The following PPARA variants were observed in gnomAD, a reference collection of about 807,000 sequenced individuals.
PPARA encodes the protein peroxisome proliferator activated receptor alpha, also known as peroxisome proliferator-activated receptor alpha.
PPARA carries 22 observed loss-of-function variants against 42.2 expected under a neutral mutation model. The observed-to-expected ratio is 0.52, with a 90% CI of 0.37 to 0.74. The LOEUF is 0.74. PPARA is among the 30% of genes least tolerant of loss of function. The probability of loss-of-function intolerance (pLI) is 0.00; values close to 1 mark genes in which losing one functional copy is unlikely to be tolerated. For synonymous variants in PPARA, 242 were observed against 239.3 expected (o/e 1.01, Z -0.10); for missense variants, 465 against 608.2 (o/e 0.76, Z 2.48).
rs1935319820 is a variant in PPARA at position 46,225,197 on chromosome 22, A to G, written c.711+5183A>G. Reference sequence around the variant, plus strand: ...TGTCTGTGTCCATCTGGACACTGGGACTGTTTGAGCCCCTGAGATTTCAGA... The same window carrying G: ...TGTCTGTGTCCATCTGGACACTGGGGCTGTTTGAGCCCCTGAGATTTCAGA... On this transcript the variant is annotated intron_variant, in intron 7 of 8. Transcript: ENST00000407236. The surrounding 1 kb of genome is among the most constrained non-coding windows in gnomAD (Gnocchi z 4.1). Among the ~76,000 whole-genome samples the G allele has an allele frequency of 6.6e-6, 1 of 151,970 alleles. No individual in the cohort carries two copies. Among genetic ancestry groups the G allele is most frequent in the Non-Finnish European group, 1.5e-5 (1 of 67,980 alleles).
chr22:46,207,277 AT>A (rs76116601), intron 4 of PPARA, among the ~76,000 whole-genome samples: 8,316 of 119,492 alleles, frequency 0.07, 441 homozygotes, highest in African/African-American at 0.22. Context: ...TACATTGGCA[AT>A]TTTTTTTTTT....
rs1407509178 is a variant in PPARA at position 46,221,295 on chromosome 22, C to T, written c.711+1281C>T. Among the ~76,000 whole-genome samples, 1 of 152,196 alleles carries T rather than the reference C, an allele frequency of 6.6e-6. No homozygotes were observed. The highest frequency in any genetic ancestry group is 1.5e-5 in the Non-Finnish European group (1 of 68,042). ...CAGTCCCTCCCGCCAGGCCTCACCT[C>T]CACCACTGGGGATTACAGTTCACCA... On this transcript the variant is annotated intron_variant, in intron 7 of 8. Transcript: ENST00000407236. The surrounding 1 kb of genome is among the most constrained non-coding windows in gnomAD (Gnocchi z 5.9).
intron 3 of PPARA, among the ~76,000 whole-genome samples, chr22:46,179,308 A>G (rs927685371): frequency 3.3e-5 from 5 of 152,244 alleles, no homozygotes; most frequent in Admixed American, 6.5e-5. Context: ...TTGATAATCA[A>G]AAATTAATGT....
Position 46,150,722 on chromosome 22 carries a change from C to T in PPARA, c.-210+70C>T, listed in dbSNP as rs1210478752. 2 of 149,510 alleles carry T rather than the reference C, an allele frequency of 1.3e-5. No individual in the cohort carries two copies. Among genetic ancestry groups the T allele is most frequent in the South Asian group, 2.0e-4 (1 of 4,908 alleles). 9.3% of individuals were successfully genotyped at this position (149,510 alleles called of 1,614,324 possible). ...GTCCGCGGTCCGGGCTTCCCAGGTC[C>T]CGGGACCCGGAGGGCGGCGGACGGG... On this transcript the variant is annotated intron_variant, in intron 1 of 8. Coordinates refer to ENST00000407236, the MANE Select transcript of PPARA (RefSeq NM_005036.6). This position sits in a 1 kb window ranked among gnomAD's most constrained non-coding sequence, Gnocchi z 7.5.
Position 46,160,321 on chromosome 22 carries a change from G to C in PPARA, c.-127+8351G>C, listed in dbSNP as rs1925970366. Among the ~76,000 whole-genome samples the C allele has an allele frequency of 6.6e-6, 1 of 152,180 alleles. No homozygotes were observed. Among genetic ancestry groups the C allele is most frequent in the South Asian group, 2.1e-4 (1 of 4,834 alleles). The stretch of plus-strand genomic sequence containing the variant: ...TGTTCGTTTGTTTGTTTTTGAGATG[G>C]AGTCTCGCTCTGTCACCCAGGCCGG... On this transcript the variant is annotated intron_variant, in intron 2 of 8. Coordinates refer to ENST00000407236, the MANE Select transcript of PPARA (RefSeq NM_005036.6). The surrounding 1 kb of genome is among the most constrained non-coding windows in gnomAD (Gnocchi z 4.5).
rs1931591667 is a variant in PPARA at position 46,191,776 on chromosome 22, T to C, written c.-42-6566T>C. 6.6e-6 allele frequency among the ~76,000 whole-genome samples: 1 copy of C among 152,030 alleles called. No homozygotes were observed. The highest frequency in any genetic ancestry group is 2.1e-4 in the South Asian group (1 of 4,828). On this transcript the variant is annotated intron_variant, in intron 3 of 8. Coordinates refer to ENST00000407236, the MANE Select transcript of PPARA (RefSeq NM_005036.6). The surrounding 1 kb of genome is among the most constrained non-coding windows in gnomAD (Gnocchi z 4.6). ...CTCCTTCTGTGCAGATCGTTAGAAA[T>C]AGATATTGAGGCCAGGCGCGGTGGC...
chr22:46,228,842 C>T (rs1045727320), intron 7 of PPARA, among the ~76,000 whole-genome samples: 1 of 151,840 alleles, frequency 6.6e-6, no homozygotes, highest in Non-Finnish European at 1.5e-5. Context: ...TGGTGGCTCA[C>T]GCCTGTAATC....
At chr22:46,194,114 C>G (rs564566139) in intron 3 of PPARA, among the ~76,000 whole-genome samples, 2 of 152,200 alleles carry the variant, frequency 1.3e-5, no homozygotes, top group Non-Finnish European at 2.9e-5. Context: ...CGTTTGGCCT[C>G]TGCTGTCTAT....
rs1284637008 is a variant in PPARA, at chr22:46,225,528, C to T, written c.711+5514C>T. Among the ~76,000 whole-genome samples the T allele has an allele frequency of 6.6e-6, 1 of 152,126 alleles. No individual in the cohort carries two copies. The highest frequency in any genetic ancestry group is 1.9e-4 in the East Asian group (1 of 5,194). On this transcript the variant is annotated intron_variant, in intron 7 of 8. Transcript: ENST00000407236. This position sits in a 1 kb window ranked among gnomAD's most constrained non-coding sequence, Gnocchi z 4.1. ...ATGCACGCACATACCCACACTCACA[C>T]ATCCGTGCACACACGGGTACACACA...
rs145526536 is a variant in PPARA, at chr22:46,221,466, G to A, written c.711+1452G>A. ...ACAAACATGCCTACATTCTTTTTCC[G>A]CCTTCAGTGAAAAGACAGTGACATC... On this transcript the variant is annotated intron_variant, in intron 7 of 8. Transcript: ENST00000407236. The surrounding 1 kb of genome is among the most constrained non-coding windows in gnomAD (Gnocchi z 5.9). Among the ~76,000 whole-genome samples the A allele has an allele frequency of 1.2e-3, 188 of 152,172 alleles. No individual in the cohort carries two copies. The Middle Eastern group carries it at 0.014, about 11-fold the overall frequency.
intron 3 of PPARA, among the ~76,000 whole-genome samples, chr22:46,179,671 A>G (rs910426263): frequency 2.0e-5 from 3 of 152,156 alleles, no homozygotes; most frequent in Non-Finnish European, 4.4e-5. Flanking sequence ...TTTCATAGAT[A>G]TGACACCGAG....
intron 2 of PPARA, among the ~76,000 whole-genome samples, chr22:46,174,239 A>G (rs567500455): frequency 7.1e-6 from 1 of 141,736 alleles, no homozygotes; most frequent in African/African-American, 2.8e-5. Flanking sequence ...AGAGAGAGAG[A>G]AAGAAAGAAA....
In PPARA at chr22:46,243,055, G is replaced by A. The variant is rs1384443548; in HGVS notation, c.*7675G>A. The A allele has an allele frequency of 2.6e-5, 4 of 152,626 alleles. No homozygotes were observed. The highest frequency in any genetic ancestry group is 2.1e-4 in the South Asian group (1 of 4,834). The allele number at this position is 152,626 out of a possible 1,614,324, so 9.5% of individuals were successfully genotyped here. A position where few individuals can be genotyped will look rare whatever the true frequency, so the allele number is the denominator to read the frequency against. On this transcript the variant is annotated 3_prime_UTR_variant, in exon 9 of 9. Transcript: ENST00000407236. The surrounding 1 kb of genome is among the most constrained non-coding windows in gnomAD (Gnocchi z 5.0). ...GTCCTGATGGAAATTCTTTGCACGT[G>A]CCGGTTCTCTGGCATCCTCCAGGTG...
In PPARA at chr22:46,240,023, T is replaced by A. The variant is rs1936330538; in HGVS notation, c.*4643T>A. On this transcript the variant is annotated 3_prime_UTR_variant, in exon 9 of 9. Transcript: ENST00000407236. The surrounding 1 kb of genome is among the most constrained non-coding windows in gnomAD (Gnocchi z 6.0). ...CATTGCTTCAACACAGCAAGCCCAA[T>A]GCACCCAGCTAAGACTGGCTTGACC... 5.0e-6 allele frequency: 2 copies of A among 397,182 alleles called. No individual in the cohort carries two copies. Among genetic ancestry groups the A allele is most frequent in the Admixed American group, 8.8e-5 (2 of 22,690 alleles). The allele number at this position is 397,182 out of a possible 1,614,324, so 24.6% of individuals were successfully genotyped here. A position where few individuals can be genotyped will look rare whatever the true frequency, so the allele number is the denominator to read the frequency against.
At chr22:46,166,961 T>C (rs916361863) in intron 2 of PPARA, among the ~76,000 whole-genome samples, 3 of 152,156 alleles carry the variant, frequency 2.0e-5, no homozygotes, top group Non-Finnish European at 4.4e-5. Flanking sequence ...TTGAAGGACT[T>C]AGACTACATG....
Position 46,225,085 on chromosome 22 carries a change from G to A in PPARA, c.711+5071G>A, listed in dbSNP as rs887568360. 6.6e-6 allele frequency among the ~76,000 whole-genome samples: 1 copy of A among 152,152 alleles called. No homozygotes were observed. Among genetic ancestry groups the A allele is most frequent in the Admixed American group, 6.5e-5 (1 of 15,278 alleles). ...ACGGAGGAGGCTGTGGGGGCAGGGGGAGGCCGCTGCATGGAGCCGCATAGA... is the reference window on the plus strand; with the variant it reads ...ACGGAGGAGGCTGTGGGGGCAGGGGAAGGCCGCTGCATGGAGCCGCATAGA... On this transcript the variant is annotated intron_variant, in intron 7 of 8. Transcript: ENST00000407236. The surrounding 1 kb of genome is among the most constrained non-coding windows in gnomAD (Gnocchi z 4.1).
Position 46,224,629 on chromosome 22 carries a change from C to T in PPARA, c.711+4615C>T, listed in dbSNP as rs1056666402. On this transcript the variant is annotated intron_variant, in intron 7 of 8. Coordinates refer to ENST00000407236, the MANE Select transcript of PPARA (RefSeq NM_005036.6). This position sits in a 1 kb window ranked among gnomAD's most constrained non-coding sequence, Gnocchi z 5.7. ...TCAGGGCCGGCGGCTGACTTCATTTCTGTTTGGGGATGAGAGGCGGCACAG... is the reference window on the plus strand; with the variant it reads ...TCAGGGCCGGCGGCTGACTTCATTTTTGTTTGGGGATGAGAGGCGGCACAG... 3.3e-5 allele frequency among the ~76,000 whole-genome samples: 5 copies of T among 152,162 alleles called. No individual in the cohort carries two copies. The highest frequency in any genetic ancestry group is 4.8e-5 in the African/African-American group (2 of 41,446).
rs992587339 is a variant in PPARA, at chr22:46,243,753, T to C, written c.*8373T>C. 3.3e-5 allele frequency: 5 copies of C among 152,140 alleles called. No homozygotes were observed. Among genetic ancestry groups the C allele is most frequent in the African/African-American group, 1.2e-4 (5 of 41,382 alleles). 9.4% of individuals were successfully genotyped at this position (152,140 alleles called of 1,614,324 possible). A position where few individuals can be genotyped will look rare whatever the true frequency, so the allele number is the denominator to read the frequency against. ...TTAAAAAATAAACTATTTTTTAAAA[T>C]TTTTTGGTGAGTTTTGAGTGATGCT... On this transcript the variant is annotated 3_prime_UTR_variant, in exon 9 of 9. Transcript: ENST00000407236. The surrounding 1 kb of genome is among the most constrained non-coding windows in gnomAD (Gnocchi z 5.0).
chr22:46,153,488 G>A (rs4253622), intron 2 of PPARA, among the ~76,000 whole-genome samples: 1 of 152,180 alleles, frequency 6.6e-6, no homozygotes, highest in South Asian at 2.1e-4. Context: ...CATCTTAAAC[G>A]TAAAGTAGGA....
Sources: allele counts gnomAD v4.1 joint callset (sites outside exome capture counted in the v4.1 genomes callset), GRCh38; gene constraint gnomAD v4.1.1; non-coding constraint Gnocchi (gnomAD v3.1); transcripts MANE v1.5; gene names NCBI Gene and HGNC (gene_info 2026-07-23, HGNC 2026-07-21).